PAPPA: variants seen among roughly 807,000 people sequenced by gnomAD.
PAPPA encodes pappalysin-1.
In PAPPA, 60 loss-of-function variants were observed where a neutral mutation model predicts 164.0. That is an observed-to-expected ratio of 0.37 (90% confidence interval 0.30 to 0.45). PAPPA has a LOEUF of 0.45. PAPPA is among the 20% of genes least tolerant of loss of function. The pLI, the probability that PAPPA is intolerant of heterozygous loss-of-function variation, is 1.00. For missense variants in PAPPA, 1,782 were observed against 2,087.3 expected (o/e 0.85, Z 2.85); for synonymous variants, 875 against 814.1 (o/e 1.07, Z -1.27).
At chr9:116,365,090 G>A (rs778827310) in intron 18 of PAPPA, among the ~76,000 whole-genome samples, 7 of 152,110 alleles carry the variant, frequency 4.6e-5, no homozygotes, top group Non-Finnish European at 8.8e-5. Context: ...CTCCAAATGC[G>A]CCTGACTTCC....
At chr9:116,227,165 G>A (rs62574200) in intron 5 of PAPPA, among the ~76,000 whole-genome samples, 3 of 152,318 alleles carry the variant, frequency 2.0e-5, no homozygotes, top group South Asian at 4.1e-4. Context: ...TGAGACTTCA[G>A]CCTGTTGACT....
At chr9:116,379,136 T>C (rs1056058302) in intron 20 of PAPPA, among the ~76,000 whole-genome samples, 5 of 152,192 alleles carry the variant, frequency 3.3e-5, no homozygotes, top group Non-Finnish European at 7.4e-5. Context: ...GACTCAGCAG[T>C]GAGACCCAAG....
rs552367437 is a variant in PAPPA at position 116,342,772 on chromosome 9, T to C, written c.3612-1771T>C. Among the ~76,000 whole-genome samples the C allele has an allele frequency of 1.8e-3, 279 of 152,280 alleles. 5 individuals carry two copies. In the South Asian group the frequency reaches 0.032, roughly 17 times the overall value. Reference sequence around the variant, plus strand: ...AACATAAAAGCCTTGAGGTTCTAGATGTAAATCATCGGTGCATACGATAGG... The same window carrying C: ...AACATAAAAGCCTTGAGGTTCTAGACGTAAATCATCGGTGCATACGATAGG... On this transcript the variant is annotated intron_variant, in intron 13 of 21. Transcript: ENST00000328252.
At chr9:116,381,239 G>C (rs1161394230) in intron 20 of PAPPA, among the ~76,000 whole-genome samples, 1 of 152,184 alleles carries the variant, frequency 6.6e-6, no homozygotes, top group Non-Finnish European at 1.5e-5. Context: ...GAGGTTGGGA[G>C]GACTAGAACC....
intron 10 of PAPPA, among the ~76,000 whole-genome samples, chr9:116,329,136 T>G (rs541787248): frequency 1.3e-5 from 2 of 152,164 alleles, no homozygotes; most frequent in African/African-American, 4.8e-5. Context: ...TTTGCACAGA[T>G]TTATAGATGG....
rs937651784 is a variant in PAPPA at position 116,377,583 on chromosome 9, T to C, written c.4613T>C (p.Val1538Ala). 2.5e-6 allele frequency: 4 copies of C among 1,613,250 alleles called. No homozygotes were observed. The highest frequency in any genetic ancestry group is 3.4e-6 in the Non-Finnish European group (4 of 1,179,216). The change falls in exon 20 of 22, where the codon GTC becomes GCC. Residue 1538 changes from valine (V) to alanine (A), a missense_variant. Physicochemically the swap from Val to Ala is moderately conservative, Grantham distance 64 (BLOSUM62 0). Transcript: ENST00000328252. ...WLNPTRVERV[V>A]CTAGLKWYPH... Reference sequence around the variant, plus strand: ...CTCTCCCTCTTCCCACAGAGAGTTGTCTGCACTGCTGGTCTCAAGTGGTAT... The same window carrying C: ...CTCTCCCTCTTCCCACAGAGAGTTGCCTGCACTGCTGGTCTCAAGTGGTAT...
At chr9:116,340,460 C>T (rs561593230) in intron 13 of PAPPA, among the ~76,000 whole-genome samples, 1 of 152,240 alleles carries the variant, frequency 6.6e-6, no homozygotes, top group Non-Finnish European at 1.5e-5. Context: ...ATTTAAAACT[C>T]TTAGTCCTAG....
intron 12 of PAPPA, chr9:116,332,878 ATAGCC>A (rs1846012512): frequency 6.0e-6 from 1 of 165,806 alleles, no homozygotes; most frequent in South Asian, 1.7e-4. Context: ...TTTCAGCGTC[ATAGCC>A]TATTGCTTTT....
Position 116,310,161 on chromosome 9 carries a change from G to A in PAPPA, c.3147+7211G>A, listed in dbSNP as rs1018557339. Among the ~76,000 whole-genome samples the A allele has an allele frequency of 1.1e-4, 16 of 152,180 alleles. 1 individual carries two copies. The highest frequency in any genetic ancestry group is 9.8e-4 in the Admixed American group (15 of 15,280). Reference sequence around the variant, plus strand: ...AATCCTGTGCTCTATACCCAATGCCGAAGTCACTTCTAAGGGGCTCTCTGC... The same window carrying A: ...AATCCTGTGCTCTATACCCAATGCCAAAGTCACTTCTAAGGGGCTCTCTGC... On this transcript the variant is annotated intron_variant, in intron 10 of 21. Coordinates refer to ENST00000328252, the MANE Select transcript of PAPPA (RefSeq NM_002581.5).
At chr9:116,209,486 A>T (rs1454168555) in intron 3 of PAPPA, among the ~76,000 whole-genome samples, 1 of 152,200 alleles carries the variant, frequency 6.6e-6, no homozygotes, top group Non-Finnish European at 1.5e-5. Context: ...TGTTAGAAAA[A>T]ACTACTCCTG....
At chr9:116,383,260 G>T (rs1846757092) in intron 21 of PAPPA, among the ~76,000 whole-genome samples, 1 of 152,194 alleles carries the variant, frequency 6.6e-6, no homozygotes, top group Admixed American at 6.5e-5. Flanking sequence ...AACCCTGCTA[G>T]CCTGGGCTGA....
intron 18 of PAPPA, 61 bp downstream of exon 18, chr9:116,362,800 A>C: frequency 6.5e-7 from 1 of 1,543,222 alleles, no homozygotes; most frequent in Non-Finnish European, 8.8e-7. Context: ...ATGCAGGGCT[A>C]ATGCCTGGGT....
At chr9:116,315,523 G>A (rs1845777267) in intron 10 of PAPPA, among the ~76,000 whole-genome samples, 1 of 152,212 alleles carries the variant, frequency 6.6e-6, no homozygotes, top group African/African-American at 2.4e-5. Context: ...AACAGCTTCT[G>A]GAGGCTGAGC....
At chr9:116,336,593 C>T (rs193112452) in intron 13 of PAPPA, among the ~76,000 whole-genome samples, 175 of 152,344 alleles carry the variant, frequency 1.1e-3, no homozygotes, top group African/African-American at 3.9e-3. Flanking sequence ...GAGGCCCAGA[C>T]TGACTTGTTT....
intron 1 of PAPPA, among the ~76,000 whole-genome samples, chr9:116,164,985 G>A (rs1242854670): frequency 6.6e-6 from 1 of 152,182 alleles, no homozygotes; most frequent in African/African-American, 2.4e-5. Flanking sequence ...GGTTGATGAG[G>A]AAAGTGGCTT....
chr9:116,284,371 A>C (rs2118848760), intron 9 of PAPPA, among the ~76,000 whole-genome samples: 1 of 152,208 alleles, frequency 6.6e-6, no homozygotes, highest in Non-Finnish European at 1.5e-5. Flanking sequence ...AACTCCTGGT[A>C]CCTGTGAAGT....
intron 10 of PAPPA, among the ~76,000 whole-genome samples, chr9:116,315,489 A>T (rs116429573): frequency 6.6e-6 from 1 of 152,186 alleles, no homozygotes; most frequent in Admixed American, 6.5e-5. Context: ...TTTCTCTGCT[A>T]ACAGCTTTGG....
At chr9:116,195,902 T>C (rs1463009387) in intron 2 of PAPPA, among the ~76,000 whole-genome samples, 1 of 152,194 alleles carries the variant, frequency 6.6e-6, no homozygotes, top group East Asian at 1.9e-4. Flanking sequence ...TTTTTTTTAA[T>C]TCCAAAAGTC....
rs183886320 is a variant in PAPPA, at chr9:116,313,196, C to T, written c.3147+10246C>T. On this transcript the variant is annotated intron_variant, in intron 10 of 21. Transcript: ENST00000328252. ...GGGTACATTTGTACATGTTTGTTTT[C>T]CAGGGAGAAATGGGCCCAGAGAGGC... is the stretch of plus-strand genomic sequence containing the variant. Among the ~76,000 whole-genome samples the T allele has an allele frequency of 2.5e-3, 382 of 152,030 alleles. 1 individual carries two copies. The highest frequency in any genetic ancestry group is 4.7e-3 in the Non-Finnish European group (317 of 67,994).
Sources: gnomAD v4.1 joint callset for allele counts (sites outside exome capture counted in the v4.1 genomes callset) on GRCh38, gnomAD v4.1.1 for gene constraint, MANE v1.5 for transcripts, NCBI Gene and HGNC (gene_info 2026-07-23, HGNC 2026-07-21) for gene names.